Variants in TMEM62 observed in about 807,000 individuals in gnomAD.
TMEM62 encodes the protein transmembrane protein 62.
Under a neutral mutation model 70.4 loss-of-function variants are expected in TMEM62, and 41 were observed. The observed-to-expected ratio is 0.58, with a 90% CI of 0.45 to 0.76. TMEM62 has a LOEUF of 0.76. TMEM62 is among the 30% of genes least tolerant of loss of function. TMEM62 has a pLI of 0.00. For missense variants in TMEM62, 688 were observed against 788.5 expected (o/e 0.87, Z 1.53); for synonymous variants, 268 against 291.0 (o/e 0.92, Z 0.80).
rs1175785619 is a variant in TMEM62 at position 43,178,376 on chromosome 15, C to T, written c.1382-231C>T. Among the ~76,000 whole-genome samples the T allele has an allele frequency of 2.0e-5, 3 of 152,112 alleles. No homozygotes were observed. In the East Asian group the frequency reaches 5.8e-4, roughly 29 times the overall value. Reference sequence around the variant, plus strand: ...ATCTTATGATATATATAAAATATCTCACAACTACACCATTTCTTCGAACTC... The same window carrying T: ...ATCTTATGATATATATAAAATATCTTACAACTACACCATTTCTTCGAACTC... On this transcript the variant is annotated intron_variant, in intron 11 of 13. Coordinates refer to ENST00000260403, the MANE Select transcript of TMEM62 (RefSeq NM_024956.4).
chr15:43,176,727 G>T (rs1483099354), intron 11 of TMEM62, among the ~76,000 whole-genome samples: 1 of 151,966 alleles, frequency 6.6e-6, no homozygotes, highest in Non-Finnish European at 1.5e-5. Flanking sequence ...AAACCACAAA[G>T]ATGGGGAAAA....
rs1289440090 is a variant in TMEM62 at position 43,146,316 on chromosome 15, A to G, written c.477-177A>G. On this transcript the variant is annotated intron_variant, in intron 4 of 13. Transcript: ENST00000260403. ...GAGTTTGCATGAGTCTTTGGGGACA[A>G]TGGGAGAAAAACTTTGAAATTTCAT... The G allele has an allele frequency of 8.6e-5, 48 of 557,198 alleles. No individual in the cohort carries two copies. The East Asian group carries it at 1.4e-3, about 16-fold the overall frequency. 34.5% of individuals were successfully genotyped at this position (557,198 alleles called of 1,614,324 possible).
intron 8 of TMEM62, among the ~76,000 whole-genome samples, chr15:43,153,278 A>G (rs891593994): frequency 6.6e-5 from 10 of 152,160 alleles, no homozygotes; most frequent in African/African-American, 2.2e-4. Context: ...CAAAGTACAC[A>G]TGGCATAAAA....
chr15:43,175,244 A>T (rs1405634510), intron 11 of TMEM62, among the ~76,000 whole-genome samples: 1 of 152,210 alleles, frequency 6.6e-6, no homozygotes, highest in East Asian at 1.9e-4. Context: ...AAGCTGAGAG[A>T]GTAACACAAA....
intron 13 of TMEM62, among the ~76,000 whole-genome samples, chr15:43,182,164 T>C (rs946409308): frequency 2.0e-5 from 3 of 152,208 alleles, no homozygotes; most frequent in Non-Finnish European, 4.4e-5. Context: ...ATAGAAAAAC[T>C]ACATAAACAG....
intron 10 of TMEM62, among the ~76,000 whole-genome samples, chr15:43,165,228 T>TTGTAGGTGTGCTACAA (rs2039246028): frequency 6.7e-6 from 1 of 150,350 alleles, no homozygotes; most frequent in Non-Finnish European, 1.5e-5. Context: ...TTTCTAGATC[T>TTGTAGGTGTGCTACAA]TGTAGGTGTG....
chr15:43,167,025 T>C (rs1168735769), intron 10 of TMEM62, among the ~76,000 whole-genome samples: 1 of 152,208 alleles, frequency 6.6e-6, no homozygotes, highest in East Asian at 1.9e-4. Context: ...ATTGTCATCA[T>C]GGCCCGTTCT....
intron 10 of TMEM62, chr15:43,169,015 T>C: frequency 6.5e-6 from 1 of 152,682 alleles, no homozygotes; most frequent in Non-Finnish European, 1.5e-5. Context: ...CAACGCAAAG[T>C]CTCACAGTCA....
intron 5 of TMEM62, among the ~76,000 whole-genome samples, chr15:43,147,473 A>G (rs1422271288): frequency 1.3e-5 from 2 of 152,228 alleles, no homozygotes; most frequent in African/African-American, 4.8e-5. Flanking sequence ...CATATGAAAG[A>G]ATACAAAAGT....
intron 13 of TMEM62, among the ~76,000 whole-genome samples, chr15:43,183,040 G>C (rs1459749635): frequency 1.3e-5 from 2 of 152,056 alleles, no homozygotes; most frequent in African/African-American, 2.4e-5. Flanking sequence ...CTCTCTGATA[G>C]GAACATTATT....
At chr15:43,182,051 C>G (rs1378175975) in intron 13 of TMEM62, among the ~76,000 whole-genome samples, 2 of 152,256 alleles carry the variant, frequency 1.3e-5, no homozygotes, top group South Asian at 4.1e-4. Flanking sequence ...TATTCAAAAA[C>G]CAGACCTGGG....
intron 1 of TMEM62, 79 bp downstream of exon 1, chr15:43,134,061 C>T: frequency 7.0e-7 from 1 of 1,438,458 alleles, no homozygotes; most frequent in Non-Finnish European, 9.1e-7. Context: ...GTGTTGGGCC[C>T]CACGCTCCAG....
intron 4 of TMEM62, among the ~76,000 whole-genome samples, chr15:43,145,152 A>C (rs758434826): frequency 1.5e-4 from 22 of 150,706 alleles, no homozygotes; most frequent in Non-Finnish European, 3.2e-4. Context: ...TAAAATAAGC[A>C]AGAAAAAATA....
intron 5 of TMEM62, among the ~76,000 whole-genome samples, chr15:43,148,226 G>C (rs1295370742): frequency 6.6e-6 from 1 of 152,124 alleles, no homozygotes; most frequent in Non-Finnish European, 1.5e-5. Context: ...CTTGGGTCTG[G>C]CTTCTTTTGC....
At chr15:43,163,791 A>C (rs978346818) in intron 10 of TMEM62, among the ~76,000 whole-genome samples, 3 of 151,038 alleles carry the variant, frequency 2.0e-5, no homozygotes, top group African/African-American at 7.4e-5. Context: ...CAAAAAAAAA[A>C]CAAAAAACAA....
intron 4 of TMEM62, among the ~76,000 whole-genome samples, chr15:43,145,777 G>T (rs1363871799): frequency 6.6e-6 from 1 of 152,092 alleles, no homozygotes; most frequent in African/African-American, 2.4e-5. Flanking sequence ...TCTGACATTT[G>T]AATAATATAG....
intron 10 of TMEM62, among the ~76,000 whole-genome samples, chr15:43,167,513 A>G (rs1046287094): frequency 1.4e-5 from 2 of 147,412 alleles, no homozygotes; most frequent in Non-Finnish European, 3.0e-5. Context: ...CGCTCCCCAC[A>G]TCTCAGACGA....
At chr15:43,136,764 A>AT (rs1047851869) in intron 3 of TMEM62, among the ~76,000 whole-genome samples, 3 of 151,354 alleles carry the variant, frequency 2.0e-5, no homozygotes, top group East Asian at 1.9e-4. Context: ...GCTTATTATT[A>AT]TTTTTTTGAC....
rs1261486803 is a variant in TMEM62 at position 43,133,913 on chromosome 15, C to T, written c.111C>T (p.Arg37=). The part of the protein sequence containing the change: ...GLAGQPSPLP[R]PAPPRRPHPA... ...CGGGCCAGCCCTCGCCGCTGCCGCG[C>T]CCCGCGCCCCCCAGGAGGCCGCACC... Residue 37 remains arginine, a synonymous_variant, in exon 1 of 14, where the codon CGC becomes CGT. Transcript: ENST00000260403. The T allele has an allele frequency of 3.3e-6, 5 of 1,494,936 alleles. No homozygotes were observed. Among genetic ancestry groups the T allele is most frequent in the Non-Finnish European group, 3.5e-6 (4 of 1,129,616 alleles). The allele number at this position is 1,494,936 out of a possible 1,614,324, so 92.6% of individuals were successfully genotyped here.
Sources: allele counts gnomAD v4.1 joint callset (sites outside exome capture counted in the v4.1 genomes callset), GRCh38; gene constraint gnomAD v4.1.1; transcripts MANE v1.5; gene names NCBI Gene and HGNC (gene_info 2026-07-23, HGNC 2026-07-21).